The following SON variants were observed in gnomAD, a reference collection of about 807,000 sequenced individuals.
SON encodes protein SON.
A neutral mutation model predicts 173.3 loss-of-function variants in SON; 4 were observed. That is an observed-to-expected ratio of 0.02 (90% CI 0.01 to 0.05). SON has a LOEUF of 0.05. Among genes scored for constraint, SON ranks in the 10% least tolerant of loss-of-function variants. SON has a pLI of 1.00. For synonymous variants in SON, 1,190 were observed against 1,105.9 expected (o/e 1.08, Z -1.51); for missense variants, 2,626 against 3,055.3 (o/e 0.86, Z 3.31).
At chr21:33,566,524 A>G (rs1047393097) in intron 6 of SON, among the ~76,000 whole-genome samples, 8 of 46,200 alleles carry the variant, frequency 1.7e-4, no homozygotes, top group African/African-American at 1.1e-3. Context: ...TATTGTAATT[A>G]TAAATAGTGT....
At chr21:33,573,584 CATT>C (rs1285941355) in intron 9 of SON, 129 bp downstream of exon 9, 12 of 729,488 alleles carry the variant, frequency 1.6e-5, no homozygotes, top group South Asian at 1.5e-4. Flanking sequence ...TCAGAAAAAA[CATT>C]AACCCCTTTT....
Position 33,543,502 on chromosome 21 carries a change from T to G in SON, c.77+333T>G, listed in dbSNP as rs571920681. 3.6e-4 allele frequency: 108 copies of G among 301,468 alleles called. No individual in the cohort carries two copies. The South Asian group carries it at 3.8e-3, about 11-fold the overall frequency. The allele number at this position is 301,468 out of a possible 1,614,324, so 18.7% of individuals were successfully genotyped here. On this transcript the variant is annotated intron_variant, in intron 1 of 11. Transcript: ENST00000356577. ...TCCGCCAGGGACGGGCCTAGTTCCT[T>G]CCTCAGCTCCTCCTCCGCCGCCGCG... is the stretch of plus-strand genomic sequence containing the variant.
intron 6 of SON, among the ~76,000 whole-genome samples, chr21:33,566,547 A>ATT (rs1307081174): frequency 2.0e-5 from 3 of 152,146 alleles, no homozygotes; most frequent in Non-Finnish European, 4.4e-5. Context: ...TATACTTAAT[A>ATT]TAAGTAATAA....
At chr21:33,563,711 T>C (rs1393162335) in intron 6 of SON, among the ~76,000 whole-genome samples, 1 of 152,192 alleles carries the variant, frequency 6.6e-6, no homozygotes, top group Non-Finnish European at 1.5e-5. Flanking sequence ...TTTAGAAGAA[T>C]TTCCTAAATG....
chr21:33,551,140 G>A lies in SON; in HGVS notation c.1909G>A (p.Gly637Arg). ...TGVLELPGQP[G>R]APELPGQPVA... ...GGTGCTGGAGTTGCCAGGGCAGCCT[G>A]GGGCGCCAGAGTTGCCTGGGCAGCC... The change falls in exon 3 of 12, where the codon GGG becomes AGG. Residue 637 changes from glycine (G) to arginine (R), a missense_variant. Gly to Arg is a moderately radical substitution (Grantham distance 125, BLOSUM62 -2). Transcript: ENST00000356577. 1 of 1,613,260 alleles carries A rather than the reference G, an allele frequency of 6.2e-7. No homozygotes were observed. Among genetic ancestry groups the A allele is most frequent in the Non-Finnish European group, 8.5e-7 (1 of 1,179,462 alleles).
rs761720697 is a variant in SON, at chr21:33,551,262, G to A, written c.2031G>A (p.Ser677=). 3.1e-6 allele frequency: 5 copies of A among 1,613,922 alleles called. No homozygotes were observed. Among genetic ancestry groups the A allele is most frequent in the South Asian group, 2.2e-5 (2 of 91,072 alleles). Residue 677 remains serine, a synonymous_variant, in exon 3 of 12, where the codon TCG becomes TCA. Transcript: ENST00000356577. The part of the protein sequence containing the change: ...MTVSQSLEVP[S]TTALESYNTV... ...TGTCGCAGTCCCTGGAGGTGCCCTC[G>A]ACGACAGCGCTGGAATCCTATAATA...
At chr21:33,565,034 AT>A (rs1449639489) in intron 6 of SON, among the ~76,000 whole-genome samples, 1 of 152,174 alleles carries the variant, frequency 6.6e-6, no homozygotes, top group East Asian at 1.9e-4. Context: ...CTATAATAAA[AT>A]TCCTTTCAGA....
chr21:33,543,432 C>T (rs537868283), intron 1 of SON: 54 of 512,928 alleles, frequency 1.1e-4, no homozygotes, highest in African/African-American at 9.1e-4. Context: ...CCCTTCTCCC[C>T]TGTTTGGGTC....
In SON at chr21:33,544,206, G is replaced by A. The variant is rs143788544; in HGVS notation, c.77+1037G>A. ...GTTGTAAGTGCCCAAAGTAATACAG[G>A]ATTATTAGGGCAATGATGTATTATT... is the stretch of plus-strand genomic sequence containing the variant. On this transcript the variant is annotated intron_variant, in intron 1 of 11. Transcript: ENST00000356577. Among the ~76,000 whole-genome samples the A allele has an allele frequency of 1.6e-3, 242 of 152,294 alleles. 4 individuals are homozygous for A. The highest frequency in any genetic ancestry group is 0.012 in the South Asian group (60 of 4,822).
intron 1 of SON, 122 bp downstream of exon 1, chr21:33,543,291 G>A (rs2085504323): frequency 4.4e-6 from 4 of 908,556 alleles, no homozygotes; most frequent in African/African-American, 1.7e-5. Flanking sequence ...GGCCCCGCCT[G>A]GGCCTGGGAT....
Position 33,554,875 on chromosome 21 carries a change from G to A in SON, c.5644G>A (p.Gly1882Arg), listed in dbSNP as rs1056051723. 5 of 1,613,994 alleles carry A rather than the reference G, an allele frequency of 3.1e-6. No homozygotes were observed. The South Asian group carries it at 3.3e-5, about 11-fold the overall frequency. Residue 1882 changes from glycine to arginine, a missense_variant, in exon 3 of 12, where the codon GGA becomes AGA. This residue lies in a region of SON where 1,006 missense variants were observed against 895.6 expected (regional missense o/e 1.12). Coordinates refer to ENST00000356577, the MANE Select transcript of SON (RefSeq NM_138927.4). ...CAGCAGATCAAGATCAAAGTCTAGA[G>A]GAAGAAGATCTGTATCAAAAGAGAA... The part of the protein sequence containing the change: ...RSSRSRSKSR[G>R]RRSVSKEKRK...
intron 4 of SON, chr21:33,558,966 T>TC (rs1405309447): frequency 1.0e-5 from 2 of 199,974 alleles, no homozygotes; most frequent in African/African-American, 4.7e-5. Context: ...CTACTTTTTT[T>TC]TTTTTTTTTT....
chr21:33,572,492 A>G (rs2086306531), intron 8 of SON: 2 of 1,033,232 alleles, frequency 1.9e-6, no homozygotes, highest in Admixed American at 2.3e-5. Flanking sequence ...TACAAGAGAG[A>G]TGACTGTTCA....
chr21:33,544,100 T>C (rs2085547664), intron 1 of SON, among the ~76,000 whole-genome samples: 1 of 152,254 alleles, frequency 6.6e-6, no homozygotes. Context: ...ACGTAAGTGT[T>C]CCGAGTTCAA....
chr21:33,575,414 A>T, intron 9 of SON, 182 bp from the exon 10 acceptor site: 1 of 474,260 alleles, frequency 2.1e-6, no homozygotes, highest in Non-Finnish European at 3.7e-6. Context: ...TATTAAATAT[A>T]AATTTATATG....
Position 33,553,994 on chromosome 21 carries a change from A to G in SON, c.4763A>G (p.Asp1588Gly). The G allele has an allele frequency of 1.2e-6, 2 of 1,614,178 alleles. No individual in the cohort carries two copies. The highest frequency in any genetic ancestry group is 2.2e-5 in the South Asian group (2 of 91,082). The change falls in exon 3 of 12, where the codon GAT becomes GGT. Residue 1588 changes from aspartate to glycine, a missense_variant. By Grantham distance (94) the Asp-to-Gly change is moderately conservative. Coordinates refer to ENST00000356577, the MANE Select transcript of SON (RefSeq NM_138927.4). Reference protein sequence around the residue: ...LDTYPGVSEADAGETLSSTGP... With the variant: ...LDTYPGVSEAGAGETLSSTGP... Reference sequence around the variant, plus strand: ...ACCTACCCTGGTGTTAGTGAAGCTGATGCAGGAGAAACTCTATCTTCTACT... The same window carrying G: ...ACCTACCCTGGTGTTAGTGAAGCTGGTGCAGGAGAAACTCTATCTTCTACT...
rs780320199 is a variant in SON at position 33,553,040 on chromosome 21, CAGA to C, written c.3814_3816del (p.Glu1272del). 1.2e-6 allele frequency: 2 copies of C among 1,613,790 alleles called. No individual in the cohort carries two copies. The highest frequency in any genetic ancestry group is 1.7e-5 in the Admixed American group (1 of 60,020). ...ACACCTGTAGAGTCTGCAGTAGTAG[CAGA>C]AGAACATGAAGTTGTTCCAGAGAGA... is the stretch of plus-strand genomic sequence containing the variant. On this transcript the variant is annotated inframe_deletion, in exon 3 of 12. Coordinates refer to ENST00000356577, the MANE Select transcript of SON (RefSeq NM_138927.4).
chr21:33,551,384 C>T lies in SON; in HGVS notation c.2153C>T (p.Ser718Phe). The change falls in exon 3 of 12, where the codon TCT becomes TTT. Residue 718 changes from serine (S) to phenylalanine (F), a missense_variant. Physicochemically the swap from Ser to Phe is radical, Grantham distance 155. Around this residue, in one of 13 missense-constraint regions of SON, gnomAD observed 182 missense variants for 193.6 expected, o/e 0.94. Transcript: ENST00000356577. ...GCCCCAGAATCCCATATATTAGCTTCTAACACCATGGAGACCCATATATTA... is the reference window on the plus strand; with the variant it reads ...GCCCCAGAATCCCATATATTAGCTTTTAACACCATGGAGACCCATATATTA... Reference protein sequence around the residue: ...LMAPESHILASNTMETHILAS... With the variant: ...LMAPESHILAFNTMETHILAS... The T allele has an allele frequency of 6.2e-7, 1 of 1,614,126 alleles. No individual in the cohort carries two copies. Among genetic ancestry groups the T allele is most frequent in the Non-Finnish European group, 8.5e-7 (1 of 1,180,000 alleles).
chr21:33,545,439 A>C (rs2085591702), intron 1 of SON, among the ~76,000 whole-genome samples: 1 of 152,220 alleles, frequency 6.6e-6, no homozygotes, highest in Non-Finnish European at 1.5e-5. Flanking sequence ...AGTTAAAATC[A>C]AACTGTTGCT....
Sources: allele counts gnomAD v4.1 joint callset (sites outside exome capture counted in the v4.1 genomes callset), GRCh38; gene constraint gnomAD v4.1.1; regional missense constraint gnomAD v4.1.1; transcripts MANE v1.5; gene names NCBI Gene and HGNC (gene_info 2026-07-23, HGNC 2026-07-21).